CACNA2D1: variants seen among roughly 807,000 people sequenced by gnomAD.
The protein encoded by CACNA2D1 is voltage-dependent calcium channel subunit alpha-2/delta-1.
CACNA2D1 carries 53 observed loss-of-function variants against 171.5 expected under a neutral mutation model. The ratio of observed to expected loss-of-function variants is 0.31; its 90% CI spans 0.25 to 0.39. CACNA2D1 has a LOEUF of 0.39. Ranked by LOEUF, CACNA2D1 falls within the 10% of genes least tolerant of loss-of-function variation. CACNA2D1 has a pLI of 1.00. For missense variants in CACNA2D1, 903 were observed against 1,299.8 expected (o/e 0.69, Z 4.69); for synonymous variants, 442 against 443.1 (o/e 1.00, Z 0.03).
chr7:82,346,807 A>C (rs1174681082), intron 2 of CACNA2D1, among the ~76,000 whole-genome samples: 1 of 152,140 alleles, frequency 6.6e-6, no homozygotes, highest in Non-Finnish European at 1.5e-5. Flanking sequence ...AATCTGATAT[A>C]CTCACCTTGT....
chr7:82,047,580 T>G (rs890410900), intron 10 of CACNA2D1, among the ~76,000 whole-genome samples: 1 of 152,104 alleles, frequency 6.6e-6, no homozygotes. Context: ...AAACTGTTTA[T>G]AAAATTCTGA....
chr7:82,180,234 A>C (rs2237514), intron 3 of CACNA2D1, among the ~76,000 whole-genome samples: 90,268 of 151,970 alleles, frequency 0.59, 27,075 homozygotes, highest in Non-Finnish European at 0.65. Context: ...TGATCCTCTG[A>C]GGCAAGTGCG....
chr7:82,395,209 C>A (rs1825639237), intron 1 of CACNA2D1, among the ~76,000 whole-genome samples: 1 of 147,482 alleles, frequency 6.8e-6, no homozygotes, highest in Non-Finnish European at 1.5e-5. Flanking sequence ...AAAAAAAAAA[C>A]ACAAAAAAAC....
chr7:82,284,253 T>C (rs1251153437), intron 3 of CACNA2D1, among the ~76,000 whole-genome samples: 1 of 151,216 alleles, frequency 6.6e-6, no homozygotes, highest in Non-Finnish European at 1.5e-5. Flanking sequence ...TCTACACAAA[T>C]TTAAAAATAA....
chr7:82,273,859 A>G, intron 3 of CACNA2D1, among the ~76,000 whole-genome samples: 1 of 152,186 alleles, frequency 6.6e-6, no homozygotes, highest in African/African-American at 2.4e-5. Context: ...TGTTAATAAT[A>G]TTTATACCTG....
At chr7:82,199,029 G>A (rs1233474706) in intron 3 of CACNA2D1, among the ~76,000 whole-genome samples, 1 of 152,114 alleles carries the variant, frequency 6.6e-6, no homozygotes, top group East Asian at 1.9e-4. Context: ...CCAAGATGCT[G>A]ACACCTTTCC....
At chr7:82,194,724 A>C (rs1798684828) in intron 3 of CACNA2D1, among the ~76,000 whole-genome samples, 1 of 152,144 alleles carries the variant, frequency 6.6e-6, no homozygotes. Flanking sequence ...ATGTCTGGCA[A>C]AGGTCAGATC....
chr7:82,292,984 TTTTC>T (rs904591981), intron 3 of CACNA2D1, among the ~76,000 whole-genome samples: 89 of 152,166 alleles, frequency 5.8e-4, no homozygotes, highest in African/African-American at 1.9e-3. Context: ...CCTTGATTTT[TTTTC>T]TTTCTTTTCG....
chr7:82,305,595 G>A (rs1450348550), intron 3 of CACNA2D1, among the ~76,000 whole-genome samples: 2 of 152,068 alleles, frequency 1.3e-5, no homozygotes, highest in African/African-American at 4.8e-5. Flanking sequence ...CCTATAACCT[G>A]TCTTGCCATG....
chr7:82,240,420 A>C (rs2129293950), intron 3 of CACNA2D1, among the ~76,000 whole-genome samples: 1 of 152,320 alleles, frequency 6.6e-6, no homozygotes, highest in East Asian at 1.9e-4. Context: ...CTCATTTTAT[A>C]TTTTGGATCT....
intron 34 of CACNA2D1, among the ~76,000 whole-genome samples, chr7:81,963,078 G>A (rs1360400581): frequency 1.3e-5 from 2 of 151,892 alleles, no homozygotes; most frequent in African/African-American, 2.4e-5. Context: ...AAAAAAAAGT[G>A]GGGGTGGGAG....
chr7:82,188,137 T>C (rs114152836), intron 3 of CACNA2D1, among the ~76,000 whole-genome samples: 2,126 of 152,200 alleles, frequency 0.014, 52 homozygotes, highest in African/African-American at 0.048. Flanking sequence ...ACTAATCACC[T>C]TCCAAATTCC....
At chr7:82,116,118 A>G (rs1226224424) in intron 6 of CACNA2D1, among the ~76,000 whole-genome samples, 1 of 152,186 alleles carries the variant, frequency 6.6e-6, no homozygotes, top group African/African-American at 2.4e-5. Flanking sequence ...CGTTCTTTAC[A>G]ATCGCAAGCA....
At chr7:82,443,265 C>T in intron 1 of CACNA2D1, 100 bp downstream of exon 1, 1 of 1,220,102 alleles carries the variant, frequency 8.2e-7, no homozygotes, top group Admixed American at 2.2e-5. Flanking sequence ...CGCTCCCCAC[C>T]CCCACGGGCG....
At chr7:82,102,071 T>G (rs1371444169) in intron 6 of CACNA2D1, among the ~76,000 whole-genome samples, 3 of 152,106 alleles carry the variant, frequency 2.0e-5, no homozygotes, top group Non-Finnish European at 4.4e-5. Context: ...TCCAACCTCC[T>G]AAGAGAGTAA....
chr7:82,192,080 ACTATCAGAT>A (rs1464213586), intron 3 of CACNA2D1, among the ~76,000 whole-genome samples: 8 of 151,772 alleles, frequency 5.3e-5, no homozygotes, highest in Admixed American at 6.6e-5. Flanking sequence ...CTTACTCTGT[ACTATCAGAT>A]ACATAACTTT....
At chr7:82,276,219 C>A (rs1023662929) in intron 3 of CACNA2D1, among the ~76,000 whole-genome samples, 2 of 152,188 alleles carry the variant, frequency 1.3e-5, no homozygotes, top group Admixed American at 1.3e-4. Flanking sequence ...ATTAAAACAT[C>A]TTTCTATATT....
At chr7:82,177,963 T>A (rs959206387) in intron 3 of CACNA2D1, among the ~76,000 whole-genome samples, 6 of 152,174 alleles carry the variant, frequency 3.9e-5, no homozygotes, top group African/African-American at 1.4e-4. Context: ...GGATACAGAT[T>A]AACTCTTTTT....
intron 5 of CACNA2D1, among the ~76,000 whole-genome samples, chr7:82,134,506 T>C (rs550331350): frequency 1.3e-5 from 2 of 152,336 alleles, no homozygotes; most frequent in Non-Finnish European, 2.9e-5. Context: ...TTATTGTTTG[T>C]ATATAAAGCA....
Sources: gnomAD v4.1 joint callset for allele counts (sites outside exome capture counted in the v4.1 genomes callset) on GRCh38, gnomAD v4.1.1 for gene constraint, MANE v1.5 for transcripts, NCBI Gene and HGNC (gene_info 2026-07-23, HGNC 2026-07-21) for gene names.